Variants in SCUBE1 observed in about 807,000 individuals in gnomAD.
The protein encoded by SCUBE1 is signal peptide, CUB and EGF-like domain-containing protein 1.
Under a neutral mutation model 124.4 loss-of-function variants are expected in SCUBE1, and 59 were observed. The observed-to-expected ratio is 0.47, with a 90% CI of 0.38 to 0.59. The LOEUF (loss-of-function observed/expected upper bound fraction) is 0.59. Among genes scored for constraint, SCUBE1 ranks in the 20% least tolerant of loss-of-function variants. SCUBE1 has a pLI of 0.00. For missense variants in SCUBE1, 1,150 were observed against 1,371.2 expected (o/e 0.84, Z 2.55); for synonymous variants, 545 against 550.9 (o/e 0.99, Z 0.15).
intron 14 of SCUBE1, 36 bp downstream of exon 14, chr22:43,220,414 G>A: frequency 6.2e-7 from 1 of 1,606,086 alleles, no homozygotes; most frequent in Non-Finnish European, 8.5e-7. Flanking sequence ...TCCTCCTTCA[G>A]GCCTGCAGAA....
intron 4 of SCUBE1, chr22:43,283,587 A>T (rs1330965718): frequency 6.6e-6 from 1 of 152,184 alleles, no homozygotes; most frequent in East Asian, 1.9e-4. Context: ...ATATTGTTCA[A>T]TTATAACTAA....
In SCUBE1 at chr22:43,319,558, C is replaced by CAAAAAAAAA. The variant is rs35230785; in HGVS notation, c.349+370_349+378dup. 8.3e-4 allele frequency among the ~76,000 whole-genome samples: 46 copies of CAAAAAAAAA among 55,172 alleles called. 1 individual carries two copies. The highest frequency in any genetic ancestry group is 3.0e-3 in the African/African-American group (36 of 12,096). The allele number at this position is 55,172 out of a possible 152,430, so 36.2% of individuals were successfully genotyped here. A position where few individuals can be genotyped will look rare whatever the true frequency, so the allele number is the denominator to read the frequency against. ...TGGGTGACAGAGCAAGACTCCATCT[C>CAAAAAAAAA]AAAAAAAAAAAAAAAAAAAAAAGAA... On this transcript the variant is annotated intron_variant, in intron 3 of 21. Transcript: ENST00000360835.
At chr22:43,269,137 C>T (rs776311404) in intron 4 of SCUBE1, among the ~76,000 whole-genome samples, 1 of 152,096 alleles carries the variant, frequency 6.6e-6, no homozygotes, top group Non-Finnish European at 1.5e-5. Flanking sequence ...GTTGGGACAG[C>T]GTCGGGGAAG....
chr22:43,282,606 C>T (rs182089701), intron 4 of SCUBE1: 3 of 152,352 alleles, frequency 2.0e-5, no homozygotes, highest in African/African-American at 7.2e-5. Flanking sequence ...CTGCCTATGT[C>T]ACTCTGGCCC....
At position 43,339,233 on chromosome 22, in the gene SCUBE1, A is replaced by G; in HGVS notation, c.91T>C (p.Ser31Pro). The change falls in exon 2 of 22, where the codon TCA becomes CCA. Residue 31 changes from serine (S) to proline (P), a missense_variant and splice_region_variant. This residue lies in a region of SCUBE1 where 56 missense variants were observed against 48.1 expected (regional missense o/e 1.16). Transcript: ENST00000360835. ...TCTGAGCACTCATCCACGTCGACTG[A>G]CCCTGTGGGTAGGGGTGTGGGGGGA... is the stretch of plus-strand genomic sequence containing the variant. ...RLAGGSGLPG[S>P]VDVDECSEGT... is the part of the protein sequence containing the mutation. The G allele has an allele frequency of 1.9e-6, 3 of 1,613,200 alleles. No homozygotes were observed. The highest frequency in any genetic ancestry group is 1.1e-5 in the South Asian group (1 of 91,068).
chr22:43,223,231 A>G lies in SCUBE1; in HGVS notation c.1208-15T>C. On this transcript the variant is annotated splice_polypyrimidine_tract_variant and intron_variant, in intron 10 of 21. Coordinates refer to ENST00000360835, the MANE Select transcript of SCUBE1 (RefSeq NM_173050.5). Reference sequence around the variant, plus strand: ...CTTGCCTGTCTCTATGAAGGGAGATACGAGAGAGGGCTGAGAGAGGCCAGG... The same window carrying G: ...CTTGCCTGTCTCTATGAAGGGAGATGCGAGAGAGGGCTGAGAGAGGCCAGG... 6.4e-7 allele frequency: 1 copy of G among 1,564,622 alleles called. No homozygotes were observed. The highest frequency in any genetic ancestry group is 8.6e-7 in the Non-Finnish European group (1 of 1,164,682).
intron 6 of SCUBE1, among the ~76,000 whole-genome samples, chr22:43,249,693 A>T (rs1419472824): frequency 1.2e-4 from 18 of 152,232 alleles, no homozygotes; most frequent in Admixed American, 1.2e-3. Flanking sequence ...CCCGGGGCTC[A>T]GAGGGGTGAG....
Position 43,229,191 on chromosome 22 carries a change from G to C in SCUBE1, c.968-3C>G. On this transcript the variant is annotated splice_region_variant and splice_polypyrimidine_tract_variant and intron_variant, in intron 8 of 21. Transcript: ENST00000360835. ...CTCGAAGGAGCACTCGTCGATGTCT[G>C]CGTGGCCACAGGGAGACAAAGTTGG... 2 of 1,605,996 alleles carry C rather than the reference G, an allele frequency of 1.2e-6. No homozygotes were observed. The highest frequency in any genetic ancestry group is 1.7e-6 in the Non-Finnish European group (2 of 1,172,836).
chr22:43,339,762 C>T (rs1345171607), intron 1 of SCUBE1, among the ~76,000 whole-genome samples: 1 of 88,512 alleles, frequency 1.1e-5, no homozygotes, highest in Non-Finnish European at 2.4e-5. Flanking sequence ...CCTCCCCCCA[C>T]TCTCCTCATT....
At chr22:43,298,011 G>C (rs1601870575) in intron 3 of SCUBE1, among the ~76,000 whole-genome samples, 1 of 152,244 alleles carries the variant, frequency 6.6e-6, no homozygotes, top group South Asian at 2.1e-4. Context: ...CCAGCACGGA[G>C]AGCTCCCACC....
chr22:43,316,087 G>T (rs1926338204), intron 3 of SCUBE1, among the ~76,000 whole-genome samples: 1 of 152,180 alleles, frequency 6.6e-6, no homozygotes, highest in South Asian at 2.1e-4. Flanking sequence ...CTGGAAGCCA[G>T]TGACCAGATG....
intron 21 of SCUBE1, among the ~76,000 whole-genome samples, chr22:43,206,597 G>A (rs1302304308): frequency 1.3e-5 from 2 of 151,860 alleles, no homozygotes; most frequent in Non-Finnish European, 2.9e-5. Flanking sequence ...GCCGCCCAGA[G>A]TACGACAGGA....
intron 19 of SCUBE1, among the ~76,000 whole-genome samples, chr22:43,209,622 C>T (rs529234869): frequency 1.3e-5 from 2 of 152,320 alleles, no homozygotes; most frequent in Non-Finnish European, 2.9e-5. Flanking sequence ...GTGCATGGGA[C>T]GGCCGTGTGG....
intron 3 of SCUBE1, among the ~76,000 whole-genome samples, chr22:43,316,029 C>A (rs1379216178): frequency 2.0e-5 from 3 of 152,104 alleles, no homozygotes; most frequent in African/African-American, 7.2e-5. Flanking sequence ...GGACTGGTCC[C>A]CACGAGGTCT....
intron 19 of SCUBE1, 77 bp downstream of exon 19, chr22:43,209,966 C>T (rs368496783): frequency 5.9e-5 from 87 of 1,465,112 alleles, no homozygotes; most frequent in South Asian, 2.9e-4. Flanking sequence ...GCAGCGATCC[C>T]GCCTGGCAGA....
At chr22:43,339,270 G>C in intron 1 of SCUBE1, 35 bp from the exon 2 acceptor site, 1 of 1,605,450 alleles carries the variant, frequency 6.2e-7, no homozygotes, top group Non-Finnish European at 8.5e-7. Flanking sequence ...TAAGAGGTAA[G>C]GTGTGGCCCC....
chr22:43,292,139 A>C (rs1293257152), intron 3 of SCUBE1, among the ~76,000 whole-genome samples: 3 of 152,200 alleles, frequency 2.0e-5, no homozygotes, highest in Non-Finnish European at 4.4e-5. Context: ...AGCACAGCAC[A>C]GTGCCCCAAG....
intron 6 of SCUBE1, among the ~76,000 whole-genome samples, chr22:43,253,550 A>G (rs1447780324): frequency 6.6e-6 from 1 of 152,112 alleles, no homozygotes; most frequent in Non-Finnish European, 1.5e-5. Context: ...GATGCCTGGC[A>G]CAGAGATCTC....
intron 4 of SCUBE1, among the ~76,000 whole-genome samples, chr22:43,273,456 TTGATTCGACAGCGC>T (rs1924369196): frequency 6.6e-6 from 1 of 152,018 alleles, no homozygotes; most frequent in African/African-American, 2.4e-5. Flanking sequence ...GTGGGGCAGG[TTGATTCGACAGCGC>T]TGATTTGCGT....
Sources: allele counts gnomAD v4.1 joint callset (sites outside exome capture counted in the v4.1 genomes callset), GRCh38; gene constraint gnomAD v4.1.1; regional missense constraint gnomAD v4.1.1; transcripts MANE v1.5; gene names NCBI Gene and HGNC (gene_info 2026-07-23, HGNC 2026-07-21).